Variants in PKHD1 observed in about 807,000 individuals in gnomAD.
PKHD1 encodes the protein fibrocystin.
PKHD1 carries 291 observed loss-of-function variants against 412.0 expected under a neutral mutation model. The ratio of observed to expected loss-of-function variants is 0.71; its 90% CI spans 0.64 to 0.78. The LOEUF is 0.78. PKHD1 is among the 30% of genes least tolerant of loss of function. The pLI is 0.00. For synonymous variants in PKHD1, 1,777 were observed against 1,821.5 expected, an observed-to-expected ratio of 0.98 and a Z score of 0.62; for missense variants, 4,825 against 4,950.7, an observed-to-expected ratio of 0.97 and a Z score of 0.76.
intron 60 of PKHD1, among the ~76,000 whole-genome samples, chr6:51,679,407 G>A (rs1776320827): frequency 6.6e-6 from 1 of 151,498 alleles, no homozygotes; most frequent in South Asian, 2.1e-4. Context: ...GAAAGAATTA[G>A]TCAAATAAAC....
intron 29 of PKHD1, among the ~76,000 whole-genome samples, chr6:52,032,420 T>A (rs528394145): frequency 1.2e-4 from 18 of 152,210 alleles, no homozygotes; most frequent in Non-Finnish European, 2.5e-4. Flanking sequence ...TTCTTTCATG[T>A]AGTTGGTGCT....
chr6:51,758,867 A>C (rs1254088733), intron 55 of PKHD1, among the ~76,000 whole-genome samples: 1 of 152,190 alleles, frequency 6.6e-6, no homozygotes, highest in East Asian at 1.9e-4. Context: ...TTTGATTTAA[A>C]AGTTTTTACA....
rs150119659 is a variant in PKHD1 at position 51,901,593 on chromosome 6, C to T, written c.6996+2004G>A. Among the ~76,000 whole-genome samples the T allele has an allele frequency of 2.2e-3, 338 of 151,058 alleles. 2 individuals are homozygous for T. The highest frequency in any genetic ancestry group is 7.4e-3 in the African/African-American group (305 of 41,050). On this transcript the variant is annotated intron_variant, in intron 43 of 66. Transcript: ENST00000371117. ...CTAGATGACAAGTTAGTGGGTACAG[C>T]GCACCAGCATGGCACATGTATACAT...
chr6:51,912,282 G>T, intron 38 of PKHD1, 84 bp downstream of exon 38: 1 of 853,162 alleles, frequency 1.2e-6, no homozygotes, highest in South Asian at 1.3e-5. Context: ...ATCATTGAAA[G>T]ACCCCAATAC....
At chr6:51,753,584 TC>T (rs1397377857) in intron 56 of PKHD1, among the ~76,000 whole-genome samples, 1 of 152,178 alleles carries the variant, frequency 6.6e-6, no homozygotes, top group Non-Finnish European at 1.5e-5. Flanking sequence ...GAGCAAGAAT[TC>T]ATTTCTTCTT....
intron 60 of PKHD1, among the ~76,000 whole-genome samples, chr6:51,743,768 T>G (rs1582410610): frequency 6.6e-6 from 1 of 152,172 alleles, no homozygotes; most frequent in African/African-American, 2.4e-5. Context: ...AGGTTCCAGC[T>G]GAACACAAAT....
intron 60 of PKHD1, among the ~76,000 whole-genome samples, chr6:51,675,955 C>A (rs1052198882): frequency 5.9e-5 from 9 of 151,936 alleles, no homozygotes; most frequent in African/African-American, 2.2e-4. Flanking sequence ...CCTAAAATAC[C>A]CTGGTCATTC....
chr6:52,044,052 C>A (rs190156818), intron 25 of PKHD1, among the ~76,000 whole-genome samples: 3 of 152,264 alleles, frequency 2.0e-5, no homozygotes, highest in Admixed American at 2.0e-4. Context: ...CTCTGTATTT[C>A]CAACCAGGTA....
chr6:51,966,757 T>C (rs1220081769), intron 35 of PKHD1, among the ~76,000 whole-genome samples: 1 of 152,100 alleles, frequency 6.6e-6, no homozygotes, highest in Non-Finnish European at 1.5e-5. Flanking sequence ...GCTTATATTT[T>C]AGGGAGATAA....
intron 35 of PKHD1, among the ~76,000 whole-genome samples, chr6:51,988,501 C>A (rs1351461320): frequency 6.6e-6 from 1 of 152,160 alleles, no homozygotes; most frequent in African/African-American, 2.4e-5. Flanking sequence ...TTTAAACAAT[C>A]CTAAGGAAAT....
chr6:51,642,620 A>G (rs113259650), intron 63 of PKHD1, among the ~76,000 whole-genome samples: 14 of 152,150 alleles, frequency 9.2e-5, no homozygotes, highest in Admixed American at 2.6e-4. Context: ...CGGGAGGATC[A>G]CCTGAGGTCA....
intron 36 of PKHD1, among the ~76,000 whole-genome samples, chr6:51,958,814 TACACACACAC>T (rs112637668): frequency 2.7e-5 from 4 of 149,540 alleles, no homozygotes; most frequent in East Asian, 2.0e-4. Context: ...AGCCACTAGC[TACACACACAC>T]ACACACACAC....
At chr6:51,671,305 C>T (rs1209787739) in intron 60 of PKHD1, among the ~76,000 whole-genome samples, 1 of 152,220 alleles carries the variant, frequency 6.6e-6, no homozygotes, top group East Asian at 1.9e-4. Context: ...ACTTCATCTT[C>T]CATCACTGAT....
chr6:51,722,191 T>G (rs904143770), intron 60 of PKHD1, among the ~76,000 whole-genome samples: 7 of 152,192 alleles, frequency 4.6e-5, no homozygotes, highest in Admixed American at 2.6e-4. Flanking sequence ...GAGGGTCCTT[T>G]TCTCCTTCTG....
chr6:52,028,696 G>C (rs916582677), intron 29 of PKHD1, among the ~76,000 whole-genome samples: 15 of 152,016 alleles, frequency 9.9e-5, no homozygotes, highest in African/African-American at 3.4e-4. Flanking sequence ...ATTTTTTGCA[G>C]AGACAGGGTT....
At chr6:51,753,405 A>ATT (rs1439002792) in intron 56 of PKHD1, 52 bp from the exon 57 acceptor site, 1 of 1,487,272 alleles carries the variant, frequency 6.7e-7, no homozygotes, top group Non-Finnish European at 9.4e-7. Context: ...CTGTTTCAAA[A>ATT]ATCACTAGCT....
chr6:52,006,671 C>T (rs936909535), intron 35 of PKHD1, among the ~76,000 whole-genome samples: 1 of 152,160 alleles, frequency 6.6e-6, no homozygotes, highest in Non-Finnish European at 1.5e-5. Context: ...GCCACCACAC[C>T]TGGCTGAAAA....
chr6:51,914,151 G>A (rs956241723), intron 37 of PKHD1, among the ~76,000 whole-genome samples: 2 of 152,198 alleles, frequency 1.3e-5, no homozygotes, highest in Middle Eastern at 3.4e-3. Context: ...TACCTGCTAT[G>A]TGACTATCAA....
intron 43 of PKHD1, among the ~76,000 whole-genome samples, chr6:51,894,966 AT>A (rs1779671485): frequency 6.6e-6 from 1 of 152,208 alleles, no homozygotes; most frequent in Non-Finnish European, 1.5e-5. Context: ...ACAAAGAAAA[AT>A]CCTAATTAAT....
Sources: gnomAD v4.1 joint callset for allele counts (sites outside exome capture counted in the v4.1 genomes callset) on GRCh38, gnomAD v4.1.1 for gene constraint, MANE v1.5 for transcripts, NCBI Gene and HGNC (gene_info 2026-07-23, HGNC 2026-07-21) for gene names.